The following FRYL variants were observed in gnomAD, a reference collection of about 807,000 sequenced individuals.
The protein encoded by FRYL is protein furry homolog-like.
FRYL carries 150 observed loss-of-function variants against 351.2 expected under a neutral mutation model. That is an observed-to-expected ratio of 0.43 (90% CI 0.37 to 0.49). The LOEUF (loss-of-function observed/expected upper bound fraction) is 0.49. Ranked by LOEUF, FRYL falls within the 20% of genes least tolerant of loss-of-function variation. FRYL has a pLI of 0.00. For synonymous variants in FRYL, 1,153 were observed against 1,257.1 expected, an observed-to-expected ratio of 0.92 and a Z score of 1.75; for missense variants, 3,036 against 3,619.3, an observed-to-expected ratio of 0.84 and a Z score of 4.13.
chr4:48,515,123 G>A lies in FRYL; in HGVS notation c.7842C>T (p.Tyr2614=), dbSNP rs755098374. ...CATCCTCTTCACAGACTGACTCGGG[G>A]TAACTTTCAGGAGCTAGAGGCTCTG... ...EMPEPLAPES[Y]PESVCEEDVT... is the part of the protein sequence containing the mutation. The change falls in exon 56 of 64, where the codon TAC becomes TAT. Residue 2614 remains tyrosine (Y), a synonymous_variant. Transcript: ENST00000358350. 2 of 1,613,900 alleles carry A rather than the reference G, an allele frequency of 1.2e-6. No homozygotes were observed. Among genetic ancestry groups the A allele is most frequent in the Non-Finnish European group, 1.7e-6 (2 of 1,179,880 alleles).
At chr4:48,573,122 A>G (rs1330614071) in intron 26 of FRYL, 64 bp downstream of exon 26, 10 of 1,230,684 alleles carry the variant, frequency 8.1e-6, no homozygotes, top group Admixed American at 1.8e-5. Context: ...AACTTTTGAT[A>G]TAACATGTAA....
chr4:48,558,827 C>A (rs1734739854), intron 33 of FRYL, among the ~76,000 whole-genome samples: 1 of 152,286 alleles, frequency 6.6e-6, no homozygotes, highest in East Asian at 1.9e-4. Context: ...AAGATTCAAA[C>A]CACAAGGACA....
At chr4:48,674,583 A>G (rs907838945) in intron 3 of FRYL, among the ~76,000 whole-genome samples, 1 of 151,796 alleles carries the variant, frequency 6.6e-6, no homozygotes, top group African/African-American at 2.4e-5. Context: ...TAAAAATACA[A>G]AAAATTAGCC....
chr4:48,552,671 C>T (rs989859502), intron 36 of FRYL, among the ~76,000 whole-genome samples: 4 of 151,180 alleles, frequency 2.6e-5, no homozygotes, highest in Non-Finnish European at 5.9e-5. Context: ...ACATTCTAGC[C>T]GATATGAAAA....
At chr4:48,540,199 CT>C in intron 46 of FRYL, 131 bp from the exon 47 acceptor site, 2 of 1,156,916 alleles carry the variant, frequency 1.7e-6, no homozygotes, top group South Asian at 1.6e-5. Context: ...TCTTCTAATT[CT>C]TTTTTGGCTT....
At position 48,706,975 on chromosome 4, in the gene FRYL, T is replaced by C. The variant is rs183903967; in HGVS notation, c.-204+3544A>G. ...CCAGAAGATACTTGGATTGCTGCTT[T>C]ATGAGAGACTCTGAGCCAAAAGCAC... On this transcript the variant is annotated intron_variant, in intron 2 of 63. Coordinates refer to ENST00000358350, the MANE Select transcript of FRYL (RefSeq NM_015030.2). Among the ~76,000 whole-genome samples the C allele has an allele frequency of 1.4e-3, 215 of 152,262 alleles. 1 individual carries two copies. Among genetic ancestry groups the C allele is most frequent in the African/African-American group, 4.6e-3 (191 of 41,558 alleles).
At chr4:48,674,902 A>C (rs1465148826) in intron 3 of FRYL, among the ~76,000 whole-genome samples, 1 of 152,198 alleles carries the variant, frequency 6.6e-6, no homozygotes, top group Admixed American at 6.5e-5. Flanking sequence ...TTTAACTTAA[A>C]ATATAAAATT....
At chr4:48,717,030 C>A (rs1387039637) in intron 1 of FRYL, among the ~76,000 whole-genome samples, 2 of 148,166 alleles carry the variant, frequency 1.3e-5, no homozygotes, top group East Asian at 2.0e-4. Flanking sequence ...GAACAAAAAA[C>A]CAAACACCAC....
intron 1 of FRYL, among the ~76,000 whole-genome samples, chr4:48,742,161 T>C (rs1433381752): frequency 6.6e-6 from 1 of 152,250 alleles, no homozygotes; most frequent in Non-Finnish European, 1.5e-5. Flanking sequence ...AATTTTGCTG[T>C]GAACCTGAAA....
intron 1 of FRYL, among the ~76,000 whole-genome samples, chr4:48,752,932 G>A (rs1281650146): frequency 6.6e-6 from 1 of 152,144 alleles, no homozygotes; most frequent in Non-Finnish European, 1.5e-5. Context: ...GGGAAATCAG[G>A]TGGCGCCTAT....
chr4:48,514,913 G>A, intron 56 of FRYL, 115 bp downstream of exon 56: 1 of 896,134 alleles, frequency 1.1e-6, no homozygotes, highest in Non-Finnish European at 1.7e-6. Context: ...TATGATTACA[G>A]ACTGAAACAC....
At chr4:48,711,649 C>A (rs1768055839) in intron 1 of FRYL, among the ~76,000 whole-genome samples, 1 of 152,272 alleles carries the variant, frequency 6.6e-6, no homozygotes, top group South Asian at 2.1e-4. Context: ...CACAGACAAA[C>A]AAAAAGACAG....
At chr4:48,551,930 T>C (rs144705439) in intron 36 of FRYL, among the ~76,000 whole-genome samples, 320 of 152,312 alleles carry the variant, frequency 2.1e-3, no homozygotes, top group African/African-American at 7.3e-3. Context: ...ATAGGAAACC[T>C]GGCTGAAAGT....
intron 3 of FRYL, among the ~76,000 whole-genome samples, chr4:48,677,354 C>T (rs1466541021): frequency 1.3e-5 from 2 of 151,886 alleles, no homozygotes; most frequent in Non-Finnish European, 2.9e-5. Context: ...ACTGTCAGTA[C>T]AGATTACAAT....
At chr4:48,777,410 A>T (rs1776135768) in intron 1 of FRYL, among the ~76,000 whole-genome samples, 1 of 152,236 alleles carries the variant, frequency 6.6e-6, no homozygotes, top group Non-Finnish European at 1.5e-5. Context: ...ACAGGACATT[A>T]TCTTTTTCTG....
intron 1 of FRYL, among the ~76,000 whole-genome samples, chr4:48,729,251 G>A (rs1406489173): frequency 1.3e-5 from 2 of 152,228 alleles, no homozygotes; most frequent in African/African-American, 2.4e-5. Context: ...ACTGGGCGGA[G>A]CCCACCACAG....
intron 16 of FRYL, among the ~76,000 whole-genome samples, chr4:48,592,081 CT>C (rs1163460929): frequency 4.8e-4 from 12 of 24,834 alleles, no homozygotes; most frequent in African/African-American, 1.8e-3. Flanking sequence ...AAATAAAGCT[CT>C]TATATATATA....
At chr4:48,665,351 A>G (rs916768545) in intron 3 of FRYL, among the ~76,000 whole-genome samples, 6 of 152,252 alleles carry the variant, frequency 3.9e-5, no homozygotes, top group Admixed American at 3.3e-4. Context: ...TTATTTATTC[A>G]AAGATAAAAC....
At chr4:48,723,879 A>G (rs1769767332) in intron 1 of FRYL, among the ~76,000 whole-genome samples, 1 of 151,514 alleles carries the variant, frequency 6.6e-6, no homozygotes, top group African/African-American at 2.4e-5. Context: ...TGAACCCAGG[A>G]GTTTGAGACC....
Sources: gnomAD v4.1 joint callset for allele counts (sites outside exome capture counted in the v4.1 genomes callset) on GRCh38, gnomAD v4.1.1 for gene constraint, MANE v1.5 for transcripts, NCBI Gene and HGNC (gene_info 2026-07-23, HGNC 2026-07-21) for gene names.